SLC2A9: variants seen among roughly 807,000 people sequenced by gnomAD.
SLC2A9 encodes the protein solute carrier family 2 member 9, also known as solute carrier family 2, facilitated glucose transporter member 9.
A neutral mutation model predicts 50.6 loss-of-function variants in SLC2A9; 39 were observed. The observed-to-expected ratio is 0.77, with a 90% CI of 0.60 to 1.01. The LOEUF is 1.01. Among genes scored for constraint, SLC2A9 ranks in the 50% least tolerant of loss-of-function variants. The probability of loss-of-function intolerance (pLI) is 0.00; values close to 1 mark genes in which losing one functional copy is unlikely to be tolerated. For missense variants in SLC2A9, 686 were observed against 677.6 expected, an observed-to-expected ratio of 1.01 and a Z score of -0.14; for synonymous variants, 324 against 276.9, an observed-to-expected ratio of 1.17 and a Z score of -1.69.
At chr4:10,022,306 G>A (rs1462148176), upstream of SLC2A9, among the ~76,000 whole-genome samples, 4 of 152,260 alleles carry the variant, frequency 2.6e-5, no homozygotes, top group African/African-American at 9.6e-5. Context: ...CTGTAAATGA[G>A]TGTGGGCTCT....
At chr4:9,982,776 A>G (rs1360613001) in intron 4 of SLC2A9, among the ~76,000 whole-genome samples, 1 of 152,246 alleles carries the variant, frequency 6.6e-6, no homozygotes, top group Non-Finnish European at 1.5e-5. Flanking sequence ...AACAATGACA[A>G]TAATACCATC....
intron 3 of SLC2A9, chr4:9,781,984 C>T: frequency 1.4e-6 from 2 of 1,394,058 alleles, no homozygotes; most frequent in African/African-American, 2.9e-5. Flanking sequence ...GGTCGCAGGG[C>T]TGAAGTTGGG....
intron 2 of SLC2A9, among the ~76,000 whole-genome samples, chr4:10,009,233 G>T (rs1195753223): frequency 6.6e-6 from 1 of 152,134 alleles, no homozygotes; most frequent in Non-Finnish European, 1.5e-5. Context: ...CACACCAGAG[G>T]CACCTGCCAG....
intron 5 of SLC2A9, among the ~76,000 whole-genome samples, chr4:9,967,558 G>T (rs367698499): frequency 6.6e-6 from 1 of 151,564 alleles, no homozygotes. Context: ...AAAATTATAA[G>T]ACAAAATATG....
chr4:9,885,674 A>C (rs750621472), intron 10 of SLC2A9, among the ~76,000 whole-genome samples: 1 of 152,218 alleles, frequency 6.6e-6, no homozygotes, highest in Non-Finnish European at 1.5e-5. Context: ...TCAGGATAAG[A>C]TTGTGAACCA....
At chr4:9,976,124 G>C (rs869236725) in intron 5 of SLC2A9, among the ~76,000 whole-genome samples, 1 of 152,128 alleles carries the variant, frequency 6.6e-6, no homozygotes, top group Admixed American at 6.6e-5. Context: ...ATAGAGGGGA[G>C]AAAAGTTGAA....
At chr4:10,008,780 A>T (rs1183945665) in intron 2 of SLC2A9, among the ~76,000 whole-genome samples, 1 of 152,152 alleles carries the variant, frequency 6.6e-6, no homozygotes, top group African/African-American at 2.4e-5. Context: ...CCTTATTTGT[A>T]ATACAGGGTT....
intron 10 of SLC2A9, among the ~76,000 whole-genome samples, chr4:9,853,514 G>C (rs1730284435): frequency 6.6e-6 from 1 of 152,122 alleles, no homozygotes; most frequent in East Asian, 1.9e-4. Flanking sequence ...AGTTCTTAGA[G>C]ACCTACAAGG....
chr4:9,788,658 C>A (rs1719523290), intron 3 of SLC2A9, among the ~76,000 whole-genome samples: 1 of 152,144 alleles, frequency 6.6e-6, no homozygotes, highest in Non-Finnish European at 1.5e-5. Flanking sequence ...TTTCTATTGT[C>A]TTCTAAGACT....
intron 3 of SLC2A9, among the ~76,000 whole-genome samples, chr4:9,802,389 C>A (rs57904542): frequency 1.3e-5 from 2 of 151,698 alleles, no homozygotes; most frequent in East Asian, 1.9e-4. Flanking sequence ...GCCCCTGCAG[C>A]GCCTCCCCAG....
At chr4:9,914,127 C>T (rs1238167158) in intron 7 of SLC2A9, among the ~76,000 whole-genome samples, 1 of 152,174 alleles carries the variant, frequency 6.6e-6, no homozygotes, top group Non-Finnish European at 1.5e-5. Flanking sequence ...CCAAACATTT[C>T]TACTGTCCTC....
intron 3 of SLC2A9, among the ~76,000 whole-genome samples, chr4:9,786,598 C>T (rs1009404848): frequency 2.6e-5 from 4 of 152,174 alleles, no homozygotes; most frequent in Non-Finnish European, 4.4e-5. Context: ...ACATGATGGA[C>T]CAAATGCTTT....
intron 10 of SLC2A9, among the ~76,000 whole-genome samples, chr4:9,854,520 A>G (rs1444438739): frequency 6.6e-6 from 1 of 152,240 alleles, no homozygotes; most frequent in Non-Finnish European, 1.5e-5. Context: ...ACTGAATTCT[A>G]CCAGATGCAT....
intron 5 of SLC2A9, among the ~76,000 whole-genome samples, chr4:9,959,353 C>T (rs1274523776): frequency 6.7e-6 from 1 of 149,686 alleles, no homozygotes. Context: ...GATTGTGCCA[C>T]TGCACTGCAC....
At chr4:9,991,135 C>A (rs1282336685) in intron 3 of SLC2A9, among the ~76,000 whole-genome samples, 1 of 152,166 alleles carries the variant, frequency 6.6e-6, no homozygotes, top group Non-Finnish European at 1.5e-5. Flanking sequence ...CAGAGCTCCC[C>A]CAAGTGAGGC....
At chr4:9,839,046 T>C (rs1178622954) in intron 10 of SLC2A9, among the ~76,000 whole-genome samples, 2 of 152,160 alleles carry the variant, frequency 1.3e-5, no homozygotes, top group Non-Finnish European at 2.9e-5. Context: ...CAAAAGAAAC[T>C]ATCAACAGAG....
chr4:9,855,430 A>G (rs778557847), intron 10 of SLC2A9, among the ~76,000 whole-genome samples: 4 of 152,190 alleles, frequency 2.6e-5, no homozygotes, highest in Non-Finnish European at 4.4e-5. Flanking sequence ...GATCCCTACA[A>G]TGAAAATTAC....
chr4:9,879,538 T>G (rs1004090285), intron 10 of SLC2A9: 1 of 985,302 alleles, frequency 1.0e-6, no homozygotes, highest in South Asian at 4.7e-5. Flanking sequence ...GATACGCCCC[T>G]GCAGTCTTTC....
At chr4:9,814,712 T>C (rs190861676) in intron 3 of SLC2A9, among the ~76,000 whole-genome samples, 100 of 152,260 alleles carry the variant, frequency 6.6e-4, no homozygotes, top group East Asian at 4.8e-3. Flanking sequence ...GGATTGGGCT[T>C]CCTCATGTGA....
Sources: allele counts gnomAD v4.1 joint callset (sites outside exome capture counted in the v4.1 genomes callset), GRCh38; gene constraint gnomAD v4.1.1; transcripts MANE v1.5; gene names NCBI Gene and HGNC (gene_info 2026-07-23, HGNC 2026-07-21).